The following ACSL3 variants were observed in gnomAD, a reference collection of about 807,000 sequenced individuals.
ACSL3 encodes fatty acid CoA ligase Acsl3.
Under a neutral mutation model 84.7 loss-of-function variants are expected in ACSL3, and 34 were observed. The ratio of observed to expected loss-of-function variants is 0.40; its 90% CI spans 0.31 to 0.53. The LOEUF is 0.53. Among genes scored for constraint, ACSL3 ranks in the 20% least tolerant of loss-of-function variants. ACSL3 has a pLI of 0.48. For missense variants in ACSL3, 680 were observed against 873.1 expected (o/e 0.78, Z 2.79); for synonymous variants, 315 against 299.4 (o/e 1.05, Z -0.54).
intron 1 of ACSL3, among the ~76,000 whole-genome samples, chr2:222,874,220 T>G (rs1458907031): frequency 1.3e-5 from 2 of 152,080 alleles, no homozygotes; most frequent in East Asian, 3.9e-4. Context: ...AGACCAGGCT[T>G]CACTATGTTG....
intron 2 of ACSL3, among the ~76,000 whole-genome samples, chr2:222,890,654 A>G (rs965808659): frequency 1.3e-5 from 2 of 151,280 alleles, no homozygotes; most frequent in African/African-American, 4.9e-5. Flanking sequence ...TTGTTTGTTT[A>G]TTTTTGAGAC....
intron 2 of ACSL3, among the ~76,000 whole-genome samples, chr2:222,893,701 T>C (rs1695896149): frequency 6.6e-6 from 1 of 152,008 alleles, no homozygotes; most frequent in South Asian, 2.1e-4. Context: ...TCCTTCTCTC[T>C]TCTCTTCTTT....
intron 2 of ACSL3, among the ~76,000 whole-genome samples, chr2:222,888,817 T>G (rs946664783): frequency 6.6e-6 from 1 of 152,210 alleles, no homozygotes; most frequent in African/African-American, 2.4e-5. Context: ...TTGCCATCTT[T>G]TAATGAAGTA....
At chr2:222,867,838 TG>T (rs1176368537) in intron 1 of ACSL3, among the ~76,000 whole-genome samples, 1 of 152,184 alleles carries the variant, frequency 6.6e-6, no homozygotes, top group Non-Finnish European at 1.5e-5. Context: ...TTCACATTTT[TG>T]TCTCGGCCTT....
chr2:222,918,999 T>C, intron 6 of ACSL3, 65 bp from the exon 7 acceptor site: 1 of 1,574,452 alleles, frequency 6.4e-7, no homozygotes, highest in Non-Finnish European at 8.7e-7. Context: ...TATGGTAAAC[T>C]AGTATTCTTA....
rs370918014 is a variant in ACSL3, at chr2:222,931,229, C to CT, written c.1732+426dup. ...CTTATTCTGCTTCTCCTTTTAGGTT[C>CT]TTTTTTTTTAAAAGTTAATGGCATT... On this transcript the variant is annotated intron_variant, in intron 14 of 16. Coordinates refer to ENST00000357430, the MANE Select transcript of ACSL3 (RefSeq NM_004457.5). Among the ~76,000 whole-genome samples the CT allele has an allele frequency of 7.5e-4, 114 of 151,118 alleles. 1 individual carries two copies. The highest frequency in any genetic ancestry group is 1.2e-3 in the African/African-American group (49 of 41,066).
chr2:222,894,714 G>T (rs1217270814), intron 2 of ACSL3, among the ~76,000 whole-genome samples: 2 of 151,608 alleles, frequency 1.3e-5, no homozygotes, highest in South Asian at 2.1e-4. Context: ...CTGTAGTCAG[G>T]CATGAAGCCA....
At chr2:222,901,337 C>A (rs375242710) in intron 3 of ACSL3, among the ~76,000 whole-genome samples, 42 of 152,192 alleles carry the variant, frequency 2.8e-4, no homozygotes, top group African/African-American at 9.4e-4. Context: ...ATTTTCTCAC[C>A]ACCCCATTGA....
At chr2:222,934,088 CAAAAG>C (rs1235887584) in intron 15 of ACSL3, among the ~76,000 whole-genome samples, 7 of 151,346 alleles carry the variant, frequency 4.6e-5, no homozygotes, top group Non-Finnish European at 7.4e-5. Context: ...CTGATGATAA[CAAAAG>C]AAAAAAAAGA....
chr2:222,903,857 A>G (rs979123688), intron 3 of ACSL3, among the ~76,000 whole-genome samples: 11 of 152,234 alleles, frequency 7.2e-5, no homozygotes, highest in African/African-American at 2.7e-4. Context: ...GAGCAGGTCA[A>G]TATGACTATT....
intron 16 of ACSL3, among the ~76,000 whole-genome samples, chr2:222,936,307 T>A (rs560949119): frequency 8.3e-4 from 127 of 152,284 alleles, no homozygotes; most frequent in African/African-American, 3.0e-3. Flanking sequence ...CAATTATTAA[T>A]ACTATATTTA....
chr2:222,898,590 C>T (rs898002125), intron 2 of ACSL3, among the ~76,000 whole-genome samples: 1 of 152,192 alleles, frequency 6.6e-6, no homozygotes, highest in African/African-American at 2.4e-5. Flanking sequence ...TTTGGGAGGC[C>T]GAGGCGGGCG....
At chr2:222,894,945 G>A (rs1043443285) in intron 2 of ACSL3, among the ~76,000 whole-genome samples, 5 of 152,128 alleles carry the variant, frequency 3.3e-5, no homozygotes, top group Non-Finnish European at 7.4e-5. Context: ...AGGTGTGTGT[G>A]TGTGTCTTTC....
intron 16 of ACSL3, among the ~76,000 whole-genome samples, chr2:222,940,359 C>T (rs981031806): frequency 6.6e-6 from 1 of 152,140 alleles, no homozygotes; most frequent in East Asian, 1.9e-4. Context: ...GTGAATTTCC[C>T]CATTTCCTTT....
Position 222,944,568 on chromosome 2 carries a change from A to T in ACSL3, c.*2914A>T, listed in dbSNP as rs1421279436. On this transcript the variant is annotated 3_prime_UTR_variant, in exon 17 of 17. Transcript: ENST00000357430. Reference sequence around the variant, plus strand: ...TATCATAAAGAGCTACATGGTATGGACTATTTATTTGTAATTTGACATAAA... The same window carrying T: ...TATCATAAAGAGCTACATGGTATGGTCTATTTATTTGTAATTTGACATAAA... 1 of 151,490 alleles carries T rather than the reference A, an allele frequency of 6.6e-6. No individual in the cohort carries two copies. Among genetic ancestry groups the T allele is most frequent in the Non-Finnish European group, 1.5e-5 (1 of 67,950 alleles). The allele number at this position is 151,490 out of a possible 1,614,324, so 9.4% of individuals were successfully genotyped here. A position where few individuals can be genotyped will look rare whatever the true frequency, so the allele number is the denominator to read the frequency against.
intron 11 of ACSL3, among the ~76,000 whole-genome samples, chr2:222,925,342 C>CAAA (rs34016050): frequency 1.1e-4 from 9 of 85,466 alleles, no homozygotes; most frequent in African/African-American, 1.8e-4. Context: ...ACTCTTGTCT[C>CAAA]AAAAAAAAAA....
chr2:222,900,094 A>AT (rs1445270046), intron 2 of ACSL3, among the ~76,000 whole-genome samples: 2 of 152,146 alleles, frequency 1.3e-5, no homozygotes, highest in African/African-American at 4.8e-5. Context: ...AGTTCTAAAG[A>AT]TTTTTTAGAG....
chr2:222,915,172 C>G lies in ACSL3; in HGVS notation c.379-1147C>G, dbSNP rs940148231. Among the ~76,000 whole-genome samples the G allele has an allele frequency of 3.9e-5, 6 of 152,184 alleles. No individual in the cohort carries two copies. The East Asian group carries it at 1.2e-3, about 29-fold the overall frequency. ...CCAAGTTGTCATCTGTCTTCTAACC[C>G]TCACAGAGCTCCTTTTGAAGTCATT... On this transcript the variant is annotated intron_variant, in intron 4 of 16. Coordinates refer to ENST00000357430, the MANE Select transcript of ACSL3 (RefSeq NM_004457.5).
chr2:222,918,033 C>A lies in ACSL3; in HGVS notation c.557-13C>A. On this transcript the variant is annotated splice_polypyrimidine_tract_variant and intron_variant, in intron 5 of 16. Transcript: ENST00000357430. ...TGTTTGAATATTTGACTGGCTGCTG[C>A]TTTTCCTTTTAGTTGTTACATTATA... The A allele has an allele frequency of 6.3e-7, 1 of 1,575,804 alleles. No homozygotes were observed. Among genetic ancestry groups the A allele is most frequent in the East Asian group, 2.2e-5 (1 of 44,494 alleles).
Sources: gnomAD v4.1 joint callset for allele counts (sites outside exome capture counted in the v4.1 genomes callset) on GRCh38, gnomAD v4.1.1 for gene constraint, MANE v1.5 for transcripts, NCBI Gene and HGNC (gene_info 2026-07-23, HGNC 2026-07-21) for gene names.